The following SH3RF1 variants were observed in gnomAD, a reference collection of about 807,000 sequenced individuals.
SH3RF1 encodes E3 ubiquitin-protein ligase SH3RF1.
Under a neutral mutation model 74.0 loss-of-function variants are expected in SH3RF1, and 32 were observed. The ratio of observed to expected loss-of-function variants is 0.43; its 90% CI spans 0.33 to 0.58. The LOEUF (loss-of-function observed/expected upper bound fraction) is 0.58, where lower values mean the gene tolerates loss of function less well. SH3RF1 is among the 20% of genes least tolerant of loss of function. The probability of loss-of-function intolerance (pLI) is 0.05; values close to 1 mark genes in which losing one functional copy is unlikely to be tolerated. For synonymous variants in SH3RF1, 396 were observed against 439.6 expected, an observed-to-expected ratio of 0.90 and a Z score of 1.24; for missense variants, 954 against 1,130.9, an observed-to-expected ratio of 0.84 and a Z score of 2.24.
At chr4:169,231,421 C>T (rs548596731) in intron 2 of SH3RF1, among the ~76,000 whole-genome samples, 20 of 152,202 alleles carry the variant, frequency 1.3e-4, no homozygotes, top group Admixed American at 1.2e-3. Context: ...CAAAAATTAG[C>T]CAGACGTCAT....
chr4:169,143,062 C>T (rs181689945), intron 4 of SH3RF1, among the ~76,000 whole-genome samples: 29 of 152,296 alleles, frequency 1.9e-4, no homozygotes, highest in African/African-American at 7.0e-4. Context: ...CAGGTAACAG[C>T]TCCATTAAGG....
intron 2 of SH3RF1, among the ~76,000 whole-genome samples, chr4:169,159,409 G>A (rs535639823): frequency 1.3e-4 from 20 of 152,286 alleles, no homozygotes; most frequent in African/African-American, 3.8e-4. Flanking sequence ...GAAAGAGAGA[G>A]AACTGGCAAG....
intron 2 of SH3RF1, among the ~76,000 whole-genome samples, 166 bp from the exon 3 acceptor site, chr4:169,156,845 A>G (rs143922086): frequency 6.6e-6 from 1 of 152,358 alleles, no homozygotes; most frequent in Non-Finnish European, 1.5e-5. Flanking sequence ...AATAAATAGA[A>G]AACACAAAAC....
intron 11 of SH3RF1, among the ~76,000 whole-genome samples, chr4:169,098,945 C>T (rs1437927452): frequency 6.6e-6 from 1 of 152,182 alleles, no homozygotes; most frequent in African/African-American, 2.4e-5. Context: ...TAGGCAGAGG[C>T]CTGGCACTTC....
intron 2 of SH3RF1, among the ~76,000 whole-genome samples, chr4:169,191,298 C>CAAAAA (rs35344441): frequency 1.8e-5 from 2 of 113,236 alleles, no homozygotes; most frequent in Admixed American, 9.0e-5. Context: ...ACAATAGCTG[C>CAAAAA]AAAAAAAAAA....
At chr4:169,099,286 ACT>A (rs544649615) in intron 11 of SH3RF1, among the ~76,000 whole-genome samples, 325 of 152,288 alleles carry the variant, frequency 2.1e-3, no homozygotes, top group African/African-American at 7.6e-3. Flanking sequence ...ATGGCATCTC[ACT>A]ATATTGCCCA....
chr4:169,233,213 C>T (rs1196530442), intron 2 of SH3RF1, among the ~76,000 whole-genome samples: 4 of 134,244 alleles, frequency 3.0e-5, no homozygotes, highest in Admixed American at 8.5e-5. Flanking sequence ...CATGCCACTG[C>T]ACTCCAGCCT....
chr4:169,210,512 TAAATA>T (rs1161977545), intron 2 of SH3RF1, among the ~76,000 whole-genome samples: 2 of 152,332 alleles, frequency 1.3e-5, no homozygotes, highest in East Asian at 3.9e-4. Flanking sequence ...CTTTTAAAAT[TAAATA>T]AAACCCTACT....
rs1214497913 is a variant in SH3RF1 at position 169,096,757 on chromosome 4, C to G, written c.2499-70G>C. 3 of 1,376,438 alleles carry G rather than the reference C, an allele frequency of 2.2e-6. No individual in the cohort carries two copies. The African/African-American group carries it at 4.3e-5, about 20-fold the overall frequency. 85.3% of individuals were successfully genotyped at this position (1,376,438 alleles called of 1,614,324 possible). A position where few individuals can be genotyped will look rare whatever the true frequency, so the allele number is the denominator to read the frequency against. ...TTTTAAAAAATGGTGTACTGTTAGT[C>G]TGCACGAACCTTCAACATAAATAGG... is the stretch of plus-strand genomic sequence containing the variant. On this transcript the variant is annotated intron_variant, in intron 11 of 11. Coordinates refer to ENST00000284637, the MANE Select transcript of SH3RF1 (RefSeq NM_020870.4).
At chr4:169,258,868 A>G (rs1042712636) in intron 2 of SH3RF1, among the ~76,000 whole-genome samples, 3 of 152,210 alleles carry the variant, frequency 2.0e-5, no homozygotes, top group African/African-American at 7.2e-5. Context: ...TAGCTCTACA[A>G]GAATTGAATC....
intron 2 of SH3RF1, among the ~76,000 whole-genome samples, chr4:169,257,079 T>C (rs979868402): frequency 2.0e-5 from 3 of 152,102 alleles, no homozygotes; most frequent in Non-Finnish European, 4.4e-5. Context: ...ATTCTACAAA[T>C]GAAGAAATTA....
At chr4:169,173,173 C>T (rs1318174427) in intron 2 of SH3RF1, among the ~76,000 whole-genome samples, 1 of 152,060 alleles carries the variant, frequency 6.6e-6, no homozygotes, top group Non-Finnish European at 1.5e-5. Context: ...TCTTCGCCAA[C>T]CACATAGTAG....
At chr4:169,197,328 T>C (rs13151643) in intron 2 of SH3RF1, among the ~76,000 whole-genome samples, 71,399 of 151,768 alleles carry the variant, frequency 0.47, 18,071 homozygotes, top group East Asian at 0.78. Context: ...TTTTTACTTA[T>C]AAAAAAGCCC....
At chr4:169,121,710 T>C (rs1050964344) in intron 7 of SH3RF1, among the ~76,000 whole-genome samples, 4 of 152,186 alleles carry the variant, frequency 2.6e-5, no homozygotes, top group Non-Finnish European at 5.9e-5. Flanking sequence ...CTCAACAGGA[T>C]AAACTTTTCT....
chr4:169,203,484 G>A (rs1005458620), intron 2 of SH3RF1, among the ~76,000 whole-genome samples: 1 of 151,662 alleles, frequency 6.6e-6, no homozygotes, highest in Non-Finnish European at 1.5e-5. Flanking sequence ...CTGGGAGGCA[G>A]AGGTTGCAGT....
At position 169,144,996 on chromosome 4, in the gene SH3RF1, T is replaced by C. The variant is rs148887040; in HGVS notation, c.766-8376A>G. On this transcript the variant is annotated intron_variant, in intron 4 of 11. Coordinates refer to ENST00000284637, the MANE Select transcript of SH3RF1 (RefSeq NM_020870.4). ...CTTGCAAAGTTTCCCAGGCCAACCA[T>C]CCAACCAACGACCCAGAAATGAAAA... Among the ~76,000 whole-genome samples, 32 of 152,032 alleles carry C rather than the reference T, an allele frequency of 2.1e-4. No individual in the cohort carries two copies. The East Asian group carries it at 5.0e-3, about 24-fold the overall frequency.
intron 10 of SH3RF1, among the ~76,000 whole-genome samples, chr4:169,108,491 C>A (rs764668483): frequency 1.3e-5 from 2 of 152,172 alleles, no homozygotes; most frequent in African/African-American, 2.4e-5. Flanking sequence ...AGTTACCTAA[C>A]GCTGCTCAAG....
chr4:169,186,571 T>C (rs1268992727), intron 2 of SH3RF1, among the ~76,000 whole-genome samples: 1 of 151,716 alleles, frequency 6.6e-6, no homozygotes, highest in Non-Finnish European at 1.5e-5. Flanking sequence ...AAAATACCAA[T>C]GTTAGCAATA....
intron 10 of SH3RF1, among the ~76,000 whole-genome samples, chr4:169,114,278 C>T (rs1443183473): frequency 6.6e-6 from 1 of 152,172 alleles, no homozygotes; most frequent in Non-Finnish European, 1.5e-5. Context: ...GACCTGTGGT[C>T]TCATTTCCCT....
Sources: gnomAD v4.1 joint callset for allele counts (sites outside exome capture counted in the v4.1 genomes callset) on GRCh38, gnomAD v4.1.1 for gene constraint, MANE v1.5 for transcripts, NCBI Gene and HGNC (gene_info 2026-07-23, HGNC 2026-07-21) for gene names.